Variants in SNTG1 observed in about 807,000 individuals in gnomAD.
SNTG1 encodes gamma-1-syntrophin.
SNTG1 carries 39 observed loss-of-function variants against 74.7 expected under a neutral mutation model. That is an observed-to-expected ratio of 0.52 (90% CI 0.40 to 0.68). SNTG1 has a LOEUF of 0.68. Among genes scored for constraint, SNTG1 ranks in the 30% least tolerant of loss-of-function variants. The pLI, the probability that SNTG1 is intolerant of heterozygous loss-of-function variation, is 0.00. For missense variants in SNTG1, 685 were observed against 609.5 expected, an observed-to-expected ratio of 1.12 and a Z score of -1.30; for synonymous variants, 254 against 217.1, an observed-to-expected ratio of 1.17 and a Z score of -1.49.
At chr8:50,010,902 A>G (rs1815729175) in intron 1 of SNTG1, among the ~76,000 whole-genome samples, 1 of 145,902 alleles carries the variant, frequency 6.9e-6, no homozygotes, top group African/African-American at 2.5e-5. Flanking sequence ...TTTTCTCTAT[A>G]TTTTACGTCT....
chr8:50,619,850 C>T (rs2094910100), intron 13 of SNTG1, among the ~76,000 whole-genome samples: 1 of 151,722 alleles, frequency 6.6e-6, no homozygotes, highest in African/African-American at 2.4e-5. Context: ...TGATTTAACC[C>T]CTTTCTATTT....
intron 1 of SNTG1, among the ~76,000 whole-genome samples, chr8:49,930,550 C>T (rs1490653992): frequency 1.3e-5 from 2 of 148,930 alleles, no homozygotes; most frequent in African/African-American, 2.4e-5. Flanking sequence ...ACATATTATA[C>T]ATATGTGTGT....
chr8:50,385,495 G>A (rs1043611967), intron 2 of SNTG1, among the ~76,000 whole-genome samples: 5 of 152,184 alleles, frequency 3.3e-5, no homozygotes, highest in African/African-American at 1.2e-4. Context: ...ACACACAAAT[G>A]TCTTGTTAAT....
intron 11 of SNTG1, among the ~76,000 whole-genome samples, chr8:50,541,180 A>G (rs1020489240): frequency 6.6e-6 from 1 of 151,936 alleles, no homozygotes; most frequent in African/African-American, 2.4e-5. Flanking sequence ...TCACATTGCA[A>G]AACTGTAATA....
At chr8:50,384,427 G>A (rs2131252250) in intron 2 of SNTG1, among the ~76,000 whole-genome samples, 1 of 152,286 alleles carries the variant, frequency 6.6e-6, no homozygotes, top group East Asian at 1.9e-4. Context: ...TATAGGAAAG[G>A]CAAATTCATA....
intron 1 of SNTG1, among the ~76,000 whole-genome samples, chr8:49,949,485 A>T (rs916306552): frequency 6.6e-6 from 1 of 152,112 alleles, no homozygotes; most frequent in Non-Finnish European, 1.5e-5. Context: ...CTGGTATTAT[A>T]GTTGCTATTT....
In SNTG1 at chr8:50,199,050, A is replaced by G. The variant is rs180953469; in HGVS notation, c.-28+26415A>G. ...AGTCAGGAGCAAAAGTAATGTCATC[A>G]GGCTCAGATTTGGAATGCATTCTCT... On this transcript the variant is annotated intron_variant, in intron 2 of 18. Coordinates refer to ENST00000642720, the MANE Select transcript of SNTG1 (RefSeq NM_018967.5). Among the ~76,000 whole-genome samples, 89 of 152,302 alleles carry G rather than the reference A, an allele frequency of 5.8e-4. 3 individuals are homozygous for G. The East Asian group carries it at 0.015, about 26-fold the overall frequency.
chr8:49,930,482 G>C (rs1391128921), intron 1 of SNTG1, among the ~76,000 whole-genome samples: 2 of 77,558 alleles, frequency 2.6e-5, no homozygotes, highest in African/African-American at 6.0e-5. Context: ...TTCTTAATCT[G>C]ATGAAGGAGA....
At chr8:49,970,633 A>G (rs1247758213) in intron 1 of SNTG1, among the ~76,000 whole-genome samples, 1 of 152,178 alleles carries the variant, frequency 6.6e-6, no homozygotes, top group Non-Finnish European at 1.5e-5. Context: ...ATCACTGACC[A>G]CGTAGAGGGT....
intron 1 of SNTG1, among the ~76,000 whole-genome samples, chr8:50,114,452 C>T (rs189212612): frequency 1.3e-5 from 2 of 152,114 alleles, no homozygotes; most frequent in Non-Finnish European, 2.9e-5. Flanking sequence ...TACAATATCA[C>T]TTATTTGAGA....
At chr8:50,054,140 G>T in intron 1 of SNTG1, among the ~76,000 whole-genome samples, 1 of 151,992 alleles carries the variant, frequency 6.6e-6, no homozygotes, top group East Asian at 1.9e-4. Flanking sequence ...TCCAATTTCA[G>T]CATTGGGTCT....
intron 1 of SNTG1, among the ~76,000 whole-genome samples, chr8:50,156,470 C>T (rs1396104398): frequency 6.6e-6 from 1 of 151,886 alleles, no homozygotes; most frequent in Non-Finnish European, 1.5e-5. Flanking sequence ...TCTAAGATTA[C>T]TTCAAAATAC....
chr8:50,461,084 T>G (rs1013965757), intron 8 of SNTG1, among the ~76,000 whole-genome samples: 1 of 151,914 alleles, frequency 6.6e-6, no homozygotes, highest in East Asian at 1.9e-4. Context: ...TTTAATTTTT[T>G]GATGACTTTG....
At chr8:50,097,545 G>A (rs915146946) in intron 1 of SNTG1, among the ~76,000 whole-genome samples, 2 of 152,052 alleles carry the variant, frequency 1.3e-5, no homozygotes, top group South Asian at 4.2e-4. Flanking sequence ...CCAGCTACTC[G>A]GGAGGCTGAG....
intron 1 of SNTG1, among the ~76,000 whole-genome samples, chr8:50,171,747 A>G (rs1329844904): frequency 3.3e-5 from 5 of 152,152 alleles, no homozygotes; most frequent in Non-Finnish European, 5.9e-5. Flanking sequence ...AAAAATGCAT[A>G]TTTATAGGCC....
intron 5 of SNTG1, among the ~76,000 whole-genome samples, chr8:50,448,407 A>G (rs1265957290): frequency 6.6e-6 from 1 of 152,146 alleles, no homozygotes; most frequent in Non-Finnish European, 1.5e-5. Context: ...ATGGGCATGC[A>G]AGGGAAAAAA....
intron 2 of SNTG1, chr8:50,381,824 C>T (rs796845186): frequency 8.8e-6 from 1 of 113,088 alleles, no homozygotes; most frequent in Non-Finnish European, 1.9e-5. Flanking sequence ...ATATATATAA[C>T]ATATATATAT....
intron 17 of SNTG1, among the ~76,000 whole-genome samples, chr8:50,733,102 T>C (rs1483806432): frequency 6.6e-6 from 1 of 151,878 alleles, no homozygotes; most frequent in Non-Finnish European, 1.5e-5. Context: ...CCCTCTAGTG[T>C]TCTTCAGTGT....
chr8:49,927,745 A>G (rs1054104115), intron 1 of SNTG1, among the ~76,000 whole-genome samples: 2 of 152,254 alleles, frequency 1.3e-5, no homozygotes, highest in African/African-American at 2.4e-5. Context: ...GTATGACACT[A>G]TAATAGTGGA....
Sources: allele counts gnomAD v4.1 joint callset (sites outside exome capture counted in the v4.1 genomes callset), GRCh38; gene constraint gnomAD v4.1.1; transcripts MANE v1.5; gene names NCBI Gene and HGNC (gene_info 2026-07-23, HGNC 2026-07-21).